Variants in LRRC2 observed in about 807,000 individuals in gnomAD.
LRRC2 encodes the protein leucine rich repeat containing 2.
LRRC2 carries 27 observed loss-of-function variants against 40.2 expected under a neutral mutation model. The ratio of observed to expected loss-of-function variants is 0.67; its 90% confidence interval spans 0.49 to 0.93. The LOEUF is 0.93. Among genes scored for constraint, LRRC2 ranks in the 40% least tolerant of loss-of-function variants. LRRC2 has a pLI of 0.00. For missense variants in LRRC2, 402 were observed against 439.6 expected (o/e 0.91, Z 0.76); for synonymous variants, 147 against 158.9 (o/e 0.92, Z 0.56).
intron 6 of LRRC2, among the ~76,000 whole-genome samples, chr3:46,528,921 GGGTAA>G (rs1704110251): frequency 6.6e-6 from 1 of 152,002 alleles, no homozygotes; most frequent in Non-Finnish European, 1.5e-5. Context: ...AGACCAGCCT[GGGTAA>G]TATAGCAAGA....
chr3:46,520,004 A>G (rs1703937370), intron 8 of LRRC2, among the ~76,000 whole-genome samples: 1 of 151,992 alleles, frequency 6.6e-6, no homozygotes, highest in Non-Finnish European at 1.5e-5. Context: ...ACATATGAAT[A>G]TATACAGAAT....
Position 46,545,244 on chromosome 3 carries a change from C to T in LRRC2, c.135G>A (p.Glu45=). 1.9e-6 allele frequency: 3 copies of T among 1,614,024 alleles called. No homozygotes were observed. Among genetic ancestry groups the T allele is most frequent in the Non-Finnish European group, 1.7e-6 (2 of 1,179,952 alleles). ...LEKSALEKIK[E]EWNFVAECRR... is the part of the protein sequence containing the mutation. ...TGCATTCGGCCACAAAGTTCCACTC[C>T]TCCTTTATCCTAAAACAGGCAGCAG... is the stretch of plus-strand genomic sequence containing the variant. Residue 45 remains glutamate, a synonymous_variant, in exon 3 of 9, where the codon GAG becomes GAA. Transcript: ENST00000395905.
intron 6 of LRRC2, among the ~76,000 whole-genome samples, chr3:46,528,409 G>T (rs1025454641): frequency 6.6e-6 from 1 of 151,978 alleles, no homozygotes; most frequent in Non-Finnish European, 1.5e-5. Context: ...AGTATTACAG[G>T]CAAGAGCCAC....
rs1315968395 is a variant in LRRC2 at position 46,545,206 on chromosome 3, A to T, written c.173T>A (p.Ile58Asn). 6.2e-7 allele frequency: 1 copy of T among 1,613,846 alleles called. No homozygotes were observed. The highest frequency in any genetic ancestry group is 8.5e-7 in the Non-Finnish European group (1 of 1,180,004). ...NFVAECRRKGIPQAVYCKNGF... is the reference protein window; with the variant it reads ...NFVAECRRKGNPQAVYCKNGF... ...ATTCTTGCAGTATACAGCCTGGGGG[A>T]TGCCCTTCCTCCTGCATTCGGCCAC... Residue 58 changes from isoleucine to asparagine, a missense_variant, in exon 3 of 9, where the codon ATC (isoleucine) becomes AAC (asparagine). Transcript: ENST00000395905.
At chr3:46,550,991 T>C (rs1704633360) in intron 2 of LRRC2, 1 of 152,500 alleles carries the variant, frequency 6.6e-6, no homozygotes, top group Admixed American at 6.5e-5. Flanking sequence ...CGGCCGTATA[T>C]GATAGGCAAA....
intron 1 of LRRC2, chr3:46,559,688 C>CA (rs1200999686): frequency 1.3e-5 from 2 of 152,178 alleles, no homozygotes; most frequent in South Asian, 2.1e-4. Flanking sequence ...ATCATGTCAA[C>CA]AAAAAATGGC....
chr3:46,527,628 C>T (rs1451951600), intron 6 of LRRC2, 47 bp from the exon 7 acceptor site: 1 of 1,504,144 alleles, frequency 6.6e-7, no homozygotes, highest in Non-Finnish European at 9.2e-7. Flanking sequence ...AGCATCATAG[C>T]TAAGAAAACC....
rs1273847053 is a variant in LRRC2 at position 46,518,667 on chromosome 3, A to G, written c.*347T>C. 1 of 172,828 alleles carries G rather than the reference A, an allele frequency of 5.8e-6. No homozygotes were observed. The allele number at this position is 172,828 out of a possible 1,614,324, so 10.7% of individuals were successfully genotyped here. A position where few individuals can be genotyped will look rare whatever the true frequency, so the allele number is the denominator to read the frequency against. On this transcript the variant is annotated 3_prime_UTR_variant, in exon 9 of 9. Coordinates refer to ENST00000395905, the MANE Select transcript of LRRC2 (RefSeq NM_024512.5). ...GTGAGCCACCACACCCGGCCCCTTT[A>G]TCTTTTGATTCCTGAAAACAATGCA...
intron 3 of LRRC2, among the ~76,000 whole-genome samples, chr3:46,542,118 G>A (rs1294887416): frequency 6.6e-6 from 1 of 152,114 alleles, no homozygotes; most frequent in Admixed American, 6.5e-5. Context: ...TGGTCAGCTT[G>A]TTAGTGCTCT....
chr3:46,535,897 A>T (rs967122464), intron 4 of LRRC2, among the ~76,000 whole-genome samples: 1 of 152,180 alleles, frequency 6.6e-6, no homozygotes, highest in Non-Finnish European at 1.5e-5. Flanking sequence ...TAATCCTCAC[A>T]ACAACGCGGT....
intron 3 of LRRC2, among the ~76,000 whole-genome samples, chr3:46,543,949 G>A (rs559836438): frequency 1.5e-5 from 2 of 131,296 alleles, no homozygotes; most frequent in Non-Finnish European, 1.8e-5. Context: ...GAATATTCAT[G>A]CACTTCATCC....
At chr3:46,541,194 G>A (rs529481223) in intron 3 of LRRC2, among the ~76,000 whole-genome samples, 17 of 152,118 alleles carry the variant, frequency 1.1e-4, no homozygotes, top group Admixed American at 5.9e-4. Flanking sequence ...TTAGCCGGGC[G>A]TGGTGGCGGG....
chr3:46,550,945 T>G (rs1171342662), intron 2 of LRRC2, among the ~76,000 whole-genome samples: 2 of 152,246 alleles, frequency 1.3e-5, no homozygotes, highest in African/African-American at 4.8e-5. Flanking sequence ...CTCAACTTGG[T>G]GTTCATATAC....
chr3:46,537,266 A>C (rs1704287555), intron 4 of LRRC2, among the ~76,000 whole-genome samples: 1 of 152,030 alleles, frequency 6.6e-6, no homozygotes, highest in South Asian at 2.1e-4. Context: ...ATGCCTGGCT[A>C]ATGTTTTACT....
chr3:46,529,070 C>T (rs942321644), intron 6 of LRRC2, among the ~76,000 whole-genome samples: 1 of 151,836 alleles, frequency 6.6e-6, no homozygotes, highest in East Asian at 1.9e-4. Flanking sequence ...TGAGCCATGA[C>T]TGCACTACTG....
intron 7 of LRRC2, among the ~76,000 whole-genome samples, chr3:46,525,082 TTTTC>T (rs1446155880): frequency 7.5e-6 from 1 of 133,964 alleles, no homozygotes; most frequent in East Asian, 2.4e-4. Flanking sequence ...AATTCTTTTT[TTTTC>T]TTTTTTTTTT....
At chr3:46,539,681 C>T (rs1336344281) in intron 3 of LRRC2, among the ~76,000 whole-genome samples, 1 of 152,188 alleles carries the variant, frequency 6.6e-6, no homozygotes, top group East Asian at 1.9e-4. Context: ...ATGAGAAAGA[C>T]AGTCAGCTGG....
At chr3:46,540,830 C>T (rs888618335) in intron 3 of LRRC2, among the ~76,000 whole-genome samples, 6 of 152,196 alleles carry the variant, frequency 3.9e-5, no homozygotes, top group Non-Finnish European at 8.8e-5. Flanking sequence ...ATGGAACCCA[C>T]ACCACACCAG....
In LRRC2 at chr3:46,527,517, G is replaced by T. The variant is rs1704081658; in HGVS notation, c.838C>A (p.Leu280Met). The T allele has an allele frequency of 6.2e-7, 1 of 1,613,944 alleles. No individual in the cohort carries two copies. The highest frequency in any genetic ancestry group is 1.3e-5 in the African/African-American group (1 of 75,038). ...NKLTYLPYSM[L>M]NLKKLTLLVV... ...AACAGAGTGAGCTTCTTCAGGTTCAGCATGGAATAGGGAAGGTAGGTCAAC... is the reference window on the plus strand; with the variant it reads ...AACAGAGTGAGCTTCTTCAGGTTCATCATGGAATAGGGAAGGTAGGTCAAC... The change falls in exon 7 of 9, where the codon CTG (leucine) becomes ATG (methionine). Residue 280 changes from leucine (L) to methionine (M), a missense_variant. Coordinates refer to ENST00000395905, the MANE Select transcript of LRRC2 (RefSeq NM_024512.5).
Sources: allele counts gnomAD v4.1 joint callset (sites outside exome capture counted in the v4.1 genomes callset), GRCh38; gene constraint gnomAD v4.1.1; transcripts MANE v1.5; gene names NCBI Gene and HGNC (gene_info 2026-07-23, HGNC 2026-07-21).